Variants in DGKB observed in about 807,000 individuals in gnomAD.
DGKB encodes the protein diacylglycerol kinase beta.
Under a neutral mutation model 114.3 loss-of-function variants are expected in DGKB, and 67 were observed. That is an observed-to-expected ratio of 0.59 (90% CI 0.48 to 0.72). The LOEUF is 0.72. Ranked by LOEUF, DGKB falls within the 30% of genes least tolerant of loss-of-function variation. The pLI is 0.00. For synonymous variants in DGKB, 398 were observed against 323.1 expected (o/e 1.23, Z -2.49); for missense variants, 907 against 975.2 (o/e 0.93, Z 0.93).
chr7:14,833,500 T>C (rs1188799653), intron 2 of DGKB, among the ~76,000 whole-genome samples: 1 of 152,150 alleles, frequency 6.6e-6, no homozygotes, highest in Non-Finnish European at 1.5e-5. Context: ...CTCCAGGATT[T>C]GGATTTTAAC....
intron 1 of DGKB, among the ~76,000 whole-genome samples, chr7:14,929,365 C>A (rs1298231982): frequency 6.6e-6 from 1 of 152,036 alleles, no homozygotes; most frequent in Non-Finnish European, 1.5e-5. Flanking sequence ...TATAAATGTT[C>A]CATTATCTCC....
intron 2 of DGKB, among the ~76,000 whole-genome samples, chr7:14,805,441 A>G (rs1392729158): frequency 1.3e-5 from 2 of 151,992 alleles, no homozygotes; most frequent in African/African-American, 4.8e-5. Flanking sequence ...CTTTTCATTA[A>G]CTGGTTAAAT....
intron 2 of DGKB, among the ~76,000 whole-genome samples, chr7:14,823,954 T>G (rs942698279): frequency 6.6e-6 from 1 of 152,192 alleles, no homozygotes; most frequent in African/African-American, 2.4e-5. Flanking sequence ...GAAAGAGGTT[T>G]AATTGACTCA....
chr7:14,774,020 T>G (rs1837797424), intron 2 of DGKB, among the ~76,000 whole-genome samples: 1 of 152,080 alleles, frequency 6.6e-6, no homozygotes, highest in Admixed American at 6.6e-5. Flanking sequence ...CTGCCTTGGT[T>G]TTTGTTTGAT....
chr7:14,963,091 C>T (rs1786955347), intron 1 of DGKB, among the ~76,000 whole-genome samples: 1 of 152,058 alleles, frequency 6.6e-6, no homozygotes, highest in Non-Finnish European at 1.5e-5. Flanking sequence ...TTCAGGCTCT[C>T]CCCTCTTAGA....
intron 14 of DGKB, among the ~76,000 whole-genome samples, chr7:14,623,408 G>C (rs961931975): frequency 2.6e-5 from 4 of 152,256 alleles, no homozygotes; most frequent in South Asian, 2.1e-4. Flanking sequence ...TACATGTAAA[G>C]GGTATTTAGA....
rs1297325061 is a variant in DGKB at position 14,673,100 on chromosome 7, A to G, written c.1036-73T>C. ...CTAACATGGGGGAGATTATATTTCA[A>G]TCGAGATACAGCAAACACATTAAAA... On this transcript the variant is annotated intron_variant, in intron 12 of 25. Coordinates refer to ENST00000402815, the MANE Select transcript of DGKB (RefSeq NM_001350709.2). The G allele has an allele frequency of 3.7e-6, 3 of 805,238 alleles. No homozygotes were observed. The South Asian group carries it at 4.6e-5, about 12-fold the overall frequency. 49.9% of individuals were successfully genotyped at this position (805,238 alleles called of 1,614,324 possible). A position where few individuals can be genotyped will look rare whatever the true frequency, so the allele number is the denominator to read the frequency against.
intron 20 of DGKB, among the ~76,000 whole-genome samples, chr7:14,485,143 G>A (rs906768697): frequency 1.4e-5 from 2 of 141,776 alleles, no homozygotes; most frequent in South Asian, 4.5e-4. Context: ...CACAATCAGT[G>A]GAGATACACA....
At chr7:14,237,868 C>T (rs1793041905) in intron 23 of DGKB, among the ~76,000 whole-genome samples, 1 of 151,828 alleles carries the variant, frequency 6.6e-6, no homozygotes, top group African/African-American at 2.4e-5. Context: ...TTCATTCATT[C>T]AATATTAATG....
At chr7:14,883,230 T>C (rs1854510993) in intron 1 of DGKB, among the ~76,000 whole-genome samples, 1 of 151,982 alleles carries the variant, frequency 6.6e-6, no homozygotes, top group Non-Finnish European at 1.5e-5. Flanking sequence ...ATTTTACATA[T>C]ATACATATAT....
chr7:14,818,136 G>C (rs1420578336), intron 2 of DGKB, among the ~76,000 whole-genome samples: 2 of 152,180 alleles, frequency 1.3e-5, no homozygotes, highest in Admixed American at 6.5e-5. Context: ...GAATTCTTAA[G>C]AGCCTTATAC....
intron 2 of DGKB, among the ~76,000 whole-genome samples, chr7:14,826,753 G>C (rs563872081): frequency 2.0e-5 from 3 of 152,082 alleles, no homozygotes; most frequent in Non-Finnish European, 4.4e-5. Context: ...TGGCTTGGTA[G>C]AGTTGCTATG....
At chr7:14,404,374 T>G (rs181798453) in intron 21 of DGKB, among the ~76,000 whole-genome samples, 1 of 151,834 alleles carries the variant, frequency 6.6e-6, no homozygotes, top group African/African-American at 2.4e-5. Context: ...ATACACACCT[T>G]TCCAACTCTC....
chr7:14,356,352 CTTTTTTTT>C (rs997102742), intron 21 of DGKB, among the ~76,000 whole-genome samples: 7 of 77,224 alleles, frequency 9.1e-5, no homozygotes, highest in Admixed American at 4.6e-4. Flanking sequence ...TTCTCTAGTT[CTTTTTTTT>C]TTTTTTTTTT....
At chr7:14,854,098 A>G (rs1432329938) in intron 1 of DGKB, among the ~76,000 whole-genome samples, 1 of 152,044 alleles carries the variant, frequency 6.6e-6, no homozygotes, top group Non-Finnish European at 1.5e-5. Context: ...TGATTTCCTC[A>G]TCTGGCATCT....
chr7:14,754,043 T>A (rs1391323245), intron 3 of DGKB, 95 bp from the exon 4 acceptor site: 1 of 906,546 alleles, frequency 1.1e-6, no homozygotes, highest in Non-Finnish European at 1.7e-6. Context: ...AAAGTTCAAG[T>A]TTACAGGTTG....
intron 5 of DGKB, among the ~76,000 whole-genome samples, chr7:14,723,026 T>TTTATTCA (rs1157828505): frequency 1.5e-4 from 22 of 143,564 alleles, no homozygotes; most frequent in African/African-American, 6.2e-4. Context: ...TATTTATTCA[T>TTTATTCA]TTTTTTTTCT....
chr7:14,378,535 G>A (rs1263836651), intron 21 of DGKB, among the ~76,000 whole-genome samples: 2 of 152,112 alleles, frequency 1.3e-5, no homozygotes, highest in Non-Finnish European at 2.9e-5. Flanking sequence ...GATGATAGAA[G>A]GGGACCTCAG....
intron 15 of DGKB, among the ~76,000 whole-genome samples, chr7:14,620,106 T>C (rs1309737553): frequency 6.6e-6 from 1 of 151,508 alleles, no homozygotes; most frequent in Non-Finnish European, 1.5e-5. Flanking sequence ...AATAAAATTG[T>C]GGATAGATTT....
Sources: allele counts gnomAD v4.1 joint callset (sites outside exome capture counted in the v4.1 genomes callset), GRCh38; gene constraint gnomAD v4.1.1; transcripts MANE v1.5; gene names NCBI Gene and HGNC (gene_info 2026-07-23, HGNC 2026-07-21).